Variants in PTPRD observed in about 807,000 individuals in gnomAD.
PTPRD encodes the protein protein tyrosine phosphatase receptor type D, also known as receptor-type tyrosine-protein phosphatase delta.
Under a neutral mutation model 214.5 loss-of-function variants are expected in PTPRD, and 34 were observed. The observed-to-expected ratio is 0.16, with a 90% confidence interval of 0.12 to 0.21. The LOEUF (loss-of-function observed/expected upper bound fraction) is 0.21. PTPRD is among the 10% of genes least tolerant of loss of function. The pLI is 1.00. For missense variants in PTPRD, 2,545 were observed against 2,398.7 expected, an observed-to-expected ratio of 1.06 and a Z score of -1.27; for synonymous variants, 1,128 against 845.7, an observed-to-expected ratio of 1.33 and a Z score of -5.79.
At chr9:8,419,234 T>TAAAAAAA (rs367987989) in intron 35 of PTPRD, among the ~76,000 whole-genome samples, 1 of 99,624 alleles carries the variant, frequency 1.0e-5, no homozygotes, top group Non-Finnish European at 2.2e-5. Flanking sequence ...TCCAAAAAAT[T>TAAAAAAA]AAAAAAAAAA....
intron 9 of PTPRD, among the ~76,000 whole-genome samples, chr9:9,318,290 T>C (rs188220591): frequency 9.3e-5 from 14 of 151,240 alleles, no homozygotes; most frequent in Admixed American, 7.9e-4. Flanking sequence ...TTGCCACAAT[T>C]AAAATACATA....
rs1425552279 is a variant in PTPRD, at chr9:9,708,665, A to T, written c.-287+25868T>A. ...AAACTGTTTTACTTTTACAGACATT[A>T]AAAAAACTATATTAAATTTTAAAAA... On this transcript the variant is annotated intron_variant, in intron 7 of 45. Transcript: ENST00000381196. Among the ~76,000 whole-genome samples, 5 of 152,116 alleles carry T rather than the reference A, an allele frequency of 3.3e-5. No homozygotes were observed. In the East Asian group the frequency reaches 7.7e-4, roughly 24 times the overall value.
intron 3 of PTPRD, among the ~76,000 whole-genome samples, chr9:10,268,327 A>AATG (rs1275695066): frequency 6.7e-6 from 1 of 149,246 alleles, no homozygotes; most frequent in Non-Finnish European, 1.5e-5. Context: ...TAACGATAAT[A>AATG]ATAATAATAG....
chr9:8,697,417 CTTTTTTTTTTTT>C (rs752677458), intron 12 of PTPRD, among the ~76,000 whole-genome samples: 1 of 63,242 alleles, frequency 1.6e-5, no homozygotes, highest in African/African-American at 6.7e-5. Flanking sequence ...TTTTTATGTA[CTTTTTTTTTTTT>C]TTTTTTTTTT....
rs1331223781 is a variant in PTPRD at position 9,613,122 on chromosome 9, G to GTATA, written c.-286-38345_-286-38342dup. On this transcript the variant is annotated intron_variant, in intron 7 of 45. Transcript: ENST00000381196. ...CCATACATATAATAGCTAGGCTGCA[G>GTATA]TATACATACATACATATATATATAT... Among the ~76,000 whole-genome samples, 60 of 68,140 alleles carry GTATA rather than the reference G, an allele frequency of 8.8e-4. 2 individuals carry two copies. The highest frequency in any genetic ancestry group is 4.9e-3 in the African/African-American group (58 of 11,736). The allele number at this position is 68,140 out of a possible 152,430, so 44.7% of individuals were successfully genotyped here.
intron 8 of PTPRD, among the ~76,000 whole-genome samples, chr9:9,530,887 T>G (rs2075313171): frequency 6.6e-6 from 1 of 151,920 alleles, no homozygotes; most frequent in African/African-American, 2.4e-5. Context: ...CAGGGAAGAA[T>G]ATGGGTGGGA....
intron 9 of PTPRD, among the ~76,000 whole-genome samples, chr9:9,257,988 T>A (rs2099978463): frequency 6.6e-6 from 1 of 151,840 alleles, no homozygotes; most frequent in African/African-American, 2.4e-5. Flanking sequence ...AATTAGAAAA[T>A]CAGCTGTTAA....
At chr9:10,344,509 G>T (rs1435494396) in intron 2 of PTPRD, among the ~76,000 whole-genome samples, 1 of 152,092 alleles carries the variant, frequency 6.6e-6, no homozygotes, top group Non-Finnish European at 1.5e-5. Flanking sequence ...TCTTGGCAAT[G>T]TAGGCTCTTT....
intron 7 of PTPRD, among the ~76,000 whole-genome samples, chr9:9,585,952 T>C (rs562889745): frequency 4.1e-4 from 63 of 151,868 alleles, no homozygotes; most frequent in Non-Finnish European, 8.0e-4. Context: ...TGTGTTTGCT[T>C]TGGGAGATAT....
chr9:10,454,959 G>C (rs558612083), intron 2 of PTPRD, among the ~76,000 whole-genome samples: 1 of 151,658 alleles, frequency 6.6e-6, no homozygotes, highest in South Asian at 2.1e-4. Context: ...TTAAAGTTGA[G>C]AGGACAAAAA....
chr9:9,584,493 T>C (rs914169051), intron 7 of PTPRD, among the ~76,000 whole-genome samples: 1 of 151,876 alleles, frequency 6.6e-6, no homozygotes, highest in African/African-American at 2.4e-5. Context: ...AAGTAAAATA[T>C]CTCCAACTCC....
At chr9:9,917,236 T>A (rs1052666418) in intron 5 of PTPRD, among the ~76,000 whole-genome samples, 7 of 105,154 alleles carry the variant, frequency 6.7e-5, no homozygotes, top group African/African-American at 1.7e-4. Flanking sequence ...AAAAAATTTT[T>A]AAAAATCCAC....
At chr9:9,568,777 T>C (rs1025452084) in intron 8 of PTPRD, among the ~76,000 whole-genome samples, 1 of 151,820 alleles carries the variant, frequency 6.6e-6, no homozygotes, top group African/African-American at 2.4e-5. Context: ...GTGATAAGGA[T>C]ATACACATAG....
intron 7 of PTPRD, among the ~76,000 whole-genome samples, chr9:9,713,088 T>C (rs2097764405): frequency 6.6e-6 from 1 of 152,118 alleles, no homozygotes; most frequent in Non-Finnish European, 1.5e-5. Flanking sequence ...ATGGGCAAGA[T>C]TATTCTACTT....
At chr9:10,331,841 T>C (rs1212269465) in intron 3 of PTPRD, among the ~76,000 whole-genome samples, 1 of 151,880 alleles carries the variant, frequency 6.6e-6, no homozygotes, top group Non-Finnish European at 1.5e-5. Context: ...CAGTTGGCAT[T>C]TTTGTATAAA....
intron 11 of PTPRD, among the ~76,000 whole-genome samples, chr9:8,920,158 C>G: frequency 6.6e-6 from 1 of 152,100 alleles, no homozygotes; most frequent in East Asian, 1.9e-4. Flanking sequence ...CCGGGCAACA[C>G]GGCAAATTCC....
chr9:10,221,642 T>G (rs1170378498), intron 3 of PTPRD, among the ~76,000 whole-genome samples: 1 of 152,042 alleles, frequency 6.6e-6, no homozygotes, highest in Non-Finnish European at 1.5e-5. Flanking sequence ...GTTGAGGGAT[T>G]TCTCCCTTCT....
At chr9:10,055,293 T>A (rs961641715) in intron 3 of PTPRD, among the ~76,000 whole-genome samples, 1 of 152,150 alleles carries the variant, frequency 6.6e-6, no homozygotes, top group Non-Finnish European at 1.5e-5. Flanking sequence ...AATGATCTTC[T>A]ACTTGTGTAT....
intron 2 of PTPRD, among the ~76,000 whole-genome samples, chr9:10,578,904 TTTTTA>T (rs2070632728): frequency 6.6e-6 from 1 of 152,246 alleles, no homozygotes; most frequent in South Asian, 2.1e-4. Context: ...TTATCTTCTA[TTTTTA>T]TTTTATTTTA....
Sources: allele counts gnomAD v4.1 joint callset (sites outside exome capture counted in the v4.1 genomes callset), GRCh38; gene constraint gnomAD v4.1.1; transcripts MANE v1.5; gene names NCBI Gene and HGNC (gene_info 2026-07-23, HGNC 2026-07-21).